TSNARE1: variants seen among roughly 807,000 people sequenced by gnomAD.
The protein encoded by TSNARE1 is t-SNARE domain-containing protein 1.
Under a neutral mutation model 62.0 loss-of-function variants are expected in TSNARE1, and 49 were observed. The observed-to-expected ratio is 0.79, with a 90% CI of 0.63 to 1.00. The LOEUF is 1.00. Among genes scored for constraint, TSNARE1 ranks in the 50% least tolerant of loss-of-function variants. TSNARE1 has a pLI of 0.00. For synonymous variants in TSNARE1, 328 were observed against 294.4 expected (o/e 1.11, Z -1.17); for missense variants, 755 against 700.1 (o/e 1.08, Z -0.88).
intron 1 of TSNARE1, among the ~76,000 whole-genome samples, chr8:142,383,637 G>C (rs916883847): frequency 7.2e-5 from 11 of 152,342 alleles, no homozygotes; most frequent in African/African-American, 2.2e-4. Flanking sequence ...GGGGGCAGGA[G>C]TGTGGACACG....
At chr8:142,277,726 G>T in intron 11 of TSNARE1, 1 of 985,444 alleles carries the variant, frequency 1.0e-6, no homozygotes, top group Non-Finnish European at 1.2e-6. Context: ...GGGGAGCCCA[G>T]CGGCCTGGGG....
At chr8:142,309,844 C>T (rs1299161611) in intron 9 of TSNARE1, among the ~76,000 whole-genome samples, 1 of 152,142 alleles carries the variant, frequency 6.6e-6, no homozygotes, top group African/African-American at 2.4e-5. Flanking sequence ...AAATATGGGA[C>T]TGAATTCACC....
At chr8:142,217,303 AAAAGAAAGAAAGAAAGAAAGAAAG>A (rs140047050) in intron 13 of TSNARE1, among the ~76,000 whole-genome samples, 10,243 of 126,626 alleles carry the variant, frequency 0.081, 506 homozygotes, top group Non-Finnish European at 0.1. Context: ...GAAAGAAAGA[AAAAGAAAGAAAGAAAGAAAGAAAG>A]AAAGAAAGAA....
intron 11 of TSNARE1, chr8:142,275,723 G>GT: frequency 2.0e-6 from 2 of 985,438 alleles, no homozygotes; most frequent in South Asian, 9.4e-5. Flanking sequence ...GGAGGCAGGA[G>GT]TATCTAAACA....
intron 12 of TSNARE1, among the ~76,000 whole-genome samples, chr8:142,239,897 A>G (rs1250630407): frequency 6.6e-6 from 1 of 152,256 alleles, no homozygotes; most frequent in Non-Finnish European, 1.5e-5. Context: ...ACTGTTATGT[A>G]CATTTGAAAT....
chr8:142,337,499 T>C (rs898899192), intron 4 of TSNARE1, among the ~76,000 whole-genome samples: 1 of 152,162 alleles, frequency 6.6e-6, no homozygotes, highest in Non-Finnish European at 1.5e-5. Flanking sequence ...CGCCCAGCAA[T>C]AAAGCCAGGA....
At chr8:142,315,362 C>T (rs1268207848) in intron 7 of TSNARE1, among the ~76,000 whole-genome samples, 1 of 152,250 alleles carries the variant, frequency 6.6e-6, no homozygotes, top group African/African-American at 2.4e-5. Flanking sequence ...CCCCACACCA[C>T]CTCCGCGAGC....
chr8:142,272,671 G>C (rs1358048209), intron 12 of TSNARE1: 1 of 904,680 alleles, frequency 1.1e-6, no homozygotes, highest in Admixed American at 1.2e-4. Context: ...GCGGGAGCAG[G>C]ACATTCTATG....
chr8:142,270,482 A>G (rs1278170219), intron 12 of TSNARE1: 1 of 94,884 alleles, frequency 1.1e-5, no homozygotes, highest in Non-Finnish European at 1.3e-5. Flanking sequence ...ATATATAGGC[A>G]TATATATATA....
chr8:142,262,325 G>A (rs887256112), intron 12 of TSNARE1, among the ~76,000 whole-genome samples: 9 of 129,558 alleles, frequency 6.9e-5, no homozygotes, highest in African/African-American at 2.4e-4. Context: ...ATCCATGAAC[G>A]TGTGTGTGTG....
chr8:142,360,106 C>G (rs148394691), intron 1 of TSNARE1, among the ~76,000 whole-genome samples: 1 of 152,338 alleles, frequency 6.6e-6, no homozygotes, highest in East Asian at 1.9e-4. Context: ...GCCTTCCCAA[C>G]CAAAGCACTC....
chr8:142,298,243 G>A (rs1326777251), intron 10 of TSNARE1, among the ~76,000 whole-genome samples: 1 of 152,228 alleles, frequency 6.6e-6, no homozygotes, highest in African/African-American at 2.4e-5. Flanking sequence ...CCTCCACGTG[G>A]GGCGCCCTTG....
chr8:142,220,066 G>A (rs572226221), intron 13 of TSNARE1, among the ~76,000 whole-genome samples: 68 of 152,322 alleles, frequency 4.5e-4, no homozygotes, highest in African/African-American at 1.5e-3. Flanking sequence ...GCTGTGTCCC[G>A]CCTTGGGTCT....
At chr8:142,324,381 G>A (rs1023530125) in intron 6 of TSNARE1, among the ~76,000 whole-genome samples, 1 of 152,130 alleles carries the variant, frequency 6.6e-6, no homozygotes, top group African/African-American at 2.4e-5. Flanking sequence ...CTGCCAGCTC[G>A]GCGGCTCCTG....
intron 4 of TSNARE1, among the ~76,000 whole-genome samples, chr8:142,341,661 C>T (rs1256040666): frequency 3.3e-5 from 5 of 152,218 alleles, no homozygotes; most frequent in African/African-American, 1.2e-4. Context: ...TCTTCTTCCA[C>T]ACCAGCGAGG....
At chr8:142,387,837 C>G (rs1837212476) in intron 1 of TSNARE1, among the ~76,000 whole-genome samples, 1 of 152,094 alleles carries the variant, frequency 6.6e-6, no homozygotes, top group Admixed American at 6.5e-5. Context: ...CTTTAGAGAC[C>G]AGGCAATTCA....
rs773912551 is a variant in TSNARE1, at chr8:142,315,105, T to A, written c.985-13A>T. On this transcript the variant is annotated splice_polypyrimidine_tract_variant and intron_variant, in intron 7 of 13. Coordinates refer to ENST00000524325, the MANE Select transcript of TSNARE1 (RefSeq NM_145003.5). ...GCAGACGCTCCTGCTGCAGAGAAGGTACAGCTGGCACGGCATGGGAGGCTT... is the reference window on the plus strand; with the variant it reads ...GCAGACGCTCCTGCTGCAGAGAAGGAACAGCTGGCACGGCATGGGAGGCTT... The A allele has an allele frequency of 1.9e-5, 31 of 1,613,752 alleles. No individual in the cohort carries two copies. The highest frequency in any genetic ancestry group is 2.4e-5 in the Non-Finnish European group (28 of 1,179,952).
chr8:142,274,607 C>T, intron 12 of TSNARE1, 174 bp downstream of exon 12: 1 of 985,456 alleles, frequency 1.0e-6, no homozygotes, highest in South Asian at 4.7e-5. Context: ...CGCAACCCCG[C>T]CACTCCCAGA....
chr8:142,224,056 A>G (rs1213851416), intron 13 of TSNARE1, among the ~76,000 whole-genome samples: 1 of 146,176 alleles, frequency 6.8e-6, no homozygotes, highest in Non-Finnish European at 1.5e-5. Context: ...ACCACCACCA[A>G]AGCATCCTCC....
Sources: allele counts gnomAD v4.1 joint callset (sites outside exome capture counted in the v4.1 genomes callset), GRCh38; gene constraint gnomAD v4.1.1; transcripts MANE v1.5; gene names NCBI Gene and HGNC (gene_info 2026-07-23, HGNC 2026-07-21).